The following MSH6 variants were observed in gnomAD, a reference collection of about 807,000 sequenced individuals.
MSH6 encodes mutS homolog 6, also known as DNA mismatch repair protein Msh6.
MSH6 carries 85 observed loss-of-function variants against 119.1 expected under a neutral mutation model. The ratio of observed to expected loss-of-function variants is 0.71; its 90% CI spans 0.60 to 0.85. MSH6 has a LOEUF of 0.85. MSH6 is among the 40% of genes least tolerant of loss of function. MSH6 has a pLI of 0.00. For missense variants in MSH6, 2,163 were observed against 1,655.3 expected (o/e 1.31, Z -5.32); for synonymous variants, 830 against 586.9 (o/e 1.41, Z -5.99).
chr2:47,801,365 T>TTTTTTTTTTTTG, intron 4 of MSH6: 1 of 446,394 alleles, frequency 2.2e-6, no homozygotes. Flanking sequence ...TCTTCAGTTT[T>TTTTTTTTTTTTG]TTTTTTTTTT....
At chr2:47,792,895 T>G (rs1043332878) in intron 2 of MSH6, among the ~76,000 whole-genome samples, 5 of 150,068 alleles carry the variant, frequency 3.3e-5, no homozygotes, top group African/African-American at 1.2e-4. Context: ...CTTGCTATGT[T>G]GCCCCCAGGG....
chr2:47,790,225 G>A (rs1668644802), intron 1 of MSH6, among the ~76,000 whole-genome samples: 1 of 152,112 alleles, frequency 6.6e-6, no homozygotes. Flanking sequence ...AGTTTAAGAC[G>A]AGCCTGGCCA....
rs369366445 is a variant in MSH6 at position 47,790,913 on chromosome 2, C to A, written c.261-14C>A. On this transcript the variant is annotated splice_polypyrimidine_tract_variant and intron_variant, in intron 1 of 9. Transcript: ENST00000234420. ...CAAATATTAACTAAGTTATGTATTT[C>A]CTTTTGGCAACAGTTGTGACTTCTC... 122 of 1,613,598 alleles carry A rather than the reference C, an allele frequency of 7.6e-5. No homozygotes were observed. Among genetic ancestry groups the A allele is most frequent in the Non-Finnish European group, 9.9e-5 (117 of 1,179,642 alleles).
At chr2:47,808,064 AGT>A (rs2104609580), downstream of MSH6, 1 of 1,463,950 alleles carries the variant, frequency 6.8e-7, no homozygotes, top group East Asian at 2.3e-5. Context: ...CTTCCAAAAA[AGT>A]GTTTTAAGTT....
chr2:47,795,650 T>G (rs1407833962), intron 2 of MSH6, among the ~76,000 whole-genome samples: 1 of 151,790 alleles, frequency 6.6e-6, no homozygotes, highest in Non-Finnish European at 1.5e-5. Context: ...ATTTTTTTTT[T>G]GGTAGAGATG....
At chr2:47,787,303 T>C (rs1043369202) in intron 1 of MSH6, among the ~76,000 whole-genome samples, 1 of 152,026 alleles carries the variant, frequency 6.6e-6, no homozygotes, top group Non-Finnish European at 1.5e-5. Context: ...AAAAATAAAA[T>C]AAAAGTTGGT....
intron 1 of MSH6, among the ~76,000 whole-genome samples, chr2:47,786,024 C>T (rs2103986925): frequency 6.6e-6 from 1 of 152,278 alleles, no homozygotes; most frequent in East Asian, 1.9e-4. Context: ...ATCCTGGATA[C>T]AACCATGAAC....
rs1553330502 is a variant in MSH6 at position 47,801,360 on chromosome 2, A to AGTT, written c.3172+206_3172+208dup. The stretch of plus-strand genomic sequence containing the variant: ...CTTAGTAGCCCTTTGGCCTTTCTTC[A>AGTT]GTTTTTTTTTTTTTTTTTTTTTTTT... On this transcript the variant is annotated intron_variant, in intron 4 of 9. Coordinates refer to ENST00000234420, the MANE Select transcript of MSH6 (RefSeq NM_000179.3). 1.7e-4 allele frequency: 10 copies of AGTT among 58,420 alleles called. No individual in the cohort carries two copies. In the East Asian group the frequency reaches 2.1e-3, roughly 12 times the overall value. 3.6% of individuals were successfully genotyped at this position (58,420 alleles called of 1,614,324 possible).
At chr2:47,795,601 G>T (rs1176456128) in intron 2 of MSH6, among the ~76,000 whole-genome samples, 1 of 151,744 alleles carries the variant, frequency 6.6e-6, no homozygotes, top group Non-Finnish European at 1.5e-5. Context: ...AAGTAGCTGG[G>T]ACTACAGGCG....
intron 2 of MSH6, among the ~76,000 whole-genome samples, chr2:47,792,288 T>C (rs1446347484): frequency 1.3e-5 from 2 of 152,106 alleles, no homozygotes; most frequent in African/African-American, 4.8e-5. Context: ...CTCGGTGTTG[T>C]AAAATCCAAA....
downstream of MSH6, chr2:47,807,453 A>C: frequency 4.9e-6 from 1 of 205,556 alleles, no homozygotes; most frequent in Non-Finnish European, 1.0e-5. Context: ...CTTTTCTTAA[A>C]GGATACCAGA....
At chr2:47,807,147 C>G, downstream of MSH6, 1 of 392,726 alleles carries the variant, frequency 2.5e-6, no homozygotes, top group Non-Finnish European at 4.6e-6. Context: ...CTGTATAGGG[C>G]TGTATATATA....
chr2:47,805,638 G>GT lies in MSH6; in HGVS notation c.3577_3578insT (p.Glu1193ValfsTer4). On this transcript the variant is annotated frameshift_variant, in exon 7 of 10. Transcript: ENST00000234420. LOFTEE classifies it high-confidence loss of function. ...TTAAGGTGAAAGTACATTTTTTGTT[G>GT]AATTAAGTGAAACTGCCAGCATACT... 6.2e-7 allele frequency: 1 copy of GT among 1,605,972 alleles called. No homozygotes were observed. Among genetic ancestry groups the GT allele is most frequent in the East Asian group, 2.2e-5 (1 of 44,770 alleles).
At chr2:47,802,644 T>G (rs1047902660) in intron 4 of MSH6, among the ~76,000 whole-genome samples, 62 of 151,600 alleles carry the variant, frequency 4.1e-4, no homozygotes, top group Non-Finnish European at 7.5e-4. Flanking sequence ...TGTTTTTTTT[T>G]TTTTTTTTTT....
Position 47,801,007 on chromosome 2 carries a change from C to G in MSH6, c.3024C>G (p.Thr1008=), listed in dbSNP as rs587780675. The part of the protein sequence containing the change: ...STKKGCKRYW[T]KTIEKKLANL... ...AGAAGGGCTGTAAACGATACTGGAC[C>G]AAAACTATTGAAAAGAAGTTGGCTA... The change falls in exon 4 of 10, where the codon ACC becomes ACG. Residue 1008 remains threonine, a synonymous_variant. Transcript: ENST00000234420. 7 of 1,569,708 alleles carry G rather than the reference C, an allele frequency of 4.5e-6. No individual in the cohort carries two copies. Among genetic ancestry groups the G allele is most frequent in the East Asian group, 2.2e-5 (1 of 44,532 alleles).
intron 1 of MSH6, chr2:47,784,223 C>T (rs1668206810): frequency 2.0e-6 from 2 of 1,002,616 alleles, no homozygotes; most frequent in Non-Finnish European, 2.4e-6. Flanking sequence ...GTGCTGGGAT[C>T]CGGCTGGGTC....
Position 47,799,679 on chromosome 2 carries a change from G to A in MSH6, c.1696G>A (p.Gly566Arg), listed in dbSNP as rs63749973. Residue 566 changes from glycine (G) to arginine (R), a missense_variant, in exon 4 of 10, where the codon GGA becomes AGA. Physicochemically the swap from Gly to Arg is moderately radical, Grantham distance 125. Coordinates refer to ENST00000234420, the MANE Select transcript of MSH6 (RefSeq NM_000179.3). ...YGVCFVDTSLGKFFIGQFSDD... is the reference protein window; with the variant it reads ...YGVCFVDTSLRKFFIGQFSDD... ...TGTGTGCTTTGTTGATACTTCACTG[G>A]GAAAGTTTTTCATAGGTCAGTTTTC... The A allele has an allele frequency of 4.2e-5, 67 of 1,613,976 alleles. No individual in the cohort carries two copies. In the Admixed American group the frequency reaches 1.0e-3, roughly 25 times the overall value.
Position 47,799,146 on chromosome 2 carries a change from A to T in MSH6, c.1163A>T (p.His388Leu), listed in dbSNP as rs786201185. ...GATGAGCACAGGAGGAGGCCTGATCACCCCGATTTTGATGCATCTACACTC... is the reference window on the plus strand; with the variant it reads ...GATGAGCACAGGAGGAGGCCTGATCTCCCCGATTTTGATGCATCTACACTC... ...RRDEHRRRPDHPDFDASTLYV... is the reference protein window; with the variant it reads ...RRDEHRRRPDLPDFDASTLYV... The change falls in exon 4 of 10, where the codon CAC becomes CTC. Residue 388 changes from histidine to leucine, a missense_variant. Physicochemically the swap from His to Leu is moderately conservative, Grantham distance 99 (BLOSUM62 -3). Transcript: ENST00000234420. 1.2e-6 allele frequency: 2 copies of T among 1,612,106 alleles called. No individual in the cohort carries two copies. The highest frequency in any genetic ancestry group is 1.3e-5 in the African/African-American group (1 of 74,284).
intron 9 of MSH6, 21 bp downstream of exon 9, chr2:47,806,672 G>T (rs762333065): frequency 6.3e-7 from 1 of 1,589,270 alleles, no homozygotes; most frequent in Non-Finnish European, 8.6e-7. Context: ...AACTATAATG[G>T]AATTATAACT....
Sources: gnomAD v4.1 joint callset for allele counts (sites outside exome capture counted in the v4.1 genomes callset) on GRCh38, gnomAD v4.1.1 for gene constraint, MANE v1.5 for transcripts, NCBI Gene and HGNC (gene_info 2026-07-23, HGNC 2026-07-21) for gene names.